The following ADAMTSL1 variants were observed in gnomAD, a reference collection of about 807,000 sequenced individuals.
ADAMTSL1 encodes ADAMTS like 1.
In ADAMTSL1, 126 loss-of-function variants were observed where a neutral mutation model predicts 201.8. That is an observed-to-expected ratio of 0.62 (90% CI 0.54 to 0.72). The LOEUF is 0.72. ADAMTSL1 is among the 30% of genes least tolerant of loss of function. ADAMTSL1 has a pLI of 0.00. For missense variants in ADAMTSL1, 2,679 were observed against 2,277.8 expected (o/e 1.18, Z -3.59); for synonymous variants, 1,121 against 903.4 (o/e 1.24, Z -4.32).
chr9:18,579,464 G>A (rs552123656), intron 4 of ADAMTSL1, among the ~76,000 whole-genome samples: 1 of 150,962 alleles, frequency 6.6e-6, no homozygotes, highest in Non-Finnish European at 1.5e-5. Flanking sequence ...CCTGCACAAT[G>A]TGCACATGTA....
intron 4 of ADAMTSL1, among the ~76,000 whole-genome samples, chr9:18,583,813 C>T (rs1212190938): frequency 6.6e-6 from 1 of 152,128 alleles, no homozygotes; most frequent in Non-Finnish European, 1.5e-5. Context: ...ATTTGACTCC[C>T]CTGGTGGATT....
chr9:18,599,637 C>A (rs1013306474), intron 4 of ADAMTSL1, among the ~76,000 whole-genome samples: 16 of 152,004 alleles, frequency 1.1e-4, no homozygotes, highest in African/African-American at 3.9e-4. Context: ...TTTTAGTTTT[C>A]TCCCTGAGTT....
At chr9:18,134,777 C>A (rs1826090741) in intron 1 of ADAMTSL1, among the ~76,000 whole-genome samples, 2 of 152,258 alleles carry the variant, frequency 1.3e-5, no homozygotes, top group South Asian at 2.1e-4. Flanking sequence ...ATATTTTGAT[C>A]TTTAAAGTAG....
At chr9:18,614,935 C>T (rs1459406680) in intron 4 of ADAMTSL1, among the ~76,000 whole-genome samples, 2 of 151,866 alleles carry the variant, frequency 1.3e-5, no homozygotes, top group African/African-American at 2.4e-5. Context: ...TCCATCTACT[C>T]AAAACACTGC....
At chr9:17,975,001 CT>C (rs532581416) in intron 1 of ADAMTSL1, among the ~76,000 whole-genome samples, 1 of 151,824 alleles carries the variant, frequency 6.6e-6, no homozygotes, top group Non-Finnish European at 1.5e-5. Flanking sequence ...CAAAGTTTCC[CT>C]TTTTTTTCAC....
intron 16 of ADAMTSL1, among the ~76,000 whole-genome samples, chr9:18,761,572 C>T (rs1820072594): frequency 1.3e-5 from 2 of 152,036 alleles, no homozygotes; most frequent in Admixed American, 1.3e-4. Flanking sequence ...TAAATGATGA[C>T]TCATAAAGGC....
intron 26 of ADAMTSL1, among the ~76,000 whole-genome samples, chr9:18,904,351 C>A (rs73425251): frequency 0.16 from 23,995 of 151,758 alleles, 3,800 homozygotes; most frequent in African/African-American, 0.41. Flanking sequence ...TGCCTGTAGT[C>A]CCAGCTACTT....
intron 23 of ADAMTSL1, among the ~76,000 whole-genome samples, chr9:18,887,173 C>T (rs1260815070): frequency 6.6e-6 from 1 of 152,204 alleles, no homozygotes; most frequent in Non-Finnish European, 1.5e-5. Context: ...GTTTATCTTA[C>T]CGATTCTATG....
chr9:18,248,311 G>A (rs2132478631), intron 2 of ADAMTSL1, among the ~76,000 whole-genome samples: 1 of 152,232 alleles, frequency 6.6e-6, no homozygotes, highest in African/African-American at 2.4e-5. Flanking sequence ...ATCAGACAGG[G>A]TCAAAGATGC....
intron 1 of ADAMTSL1, among the ~76,000 whole-genome samples, chr9:18,067,956 G>GACTTA: frequency 6.6e-6 from 1 of 151,896 alleles, no homozygotes. Flanking sequence ...ATTTAGAGTA[G>GACTTA]GTAAGAAAAG....
intron 2 of ADAMTSL1, among the ~76,000 whole-genome samples, chr9:18,233,316 C>G (rs561806322): frequency 1.3e-5 from 2 of 152,232 alleles, no homozygotes; most frequent in South Asian, 2.1e-4. Context: ...AAAAAATAAC[C>G]TGTAACTTCA....
intron 1 of ADAMTSL1, among the ~76,000 whole-genome samples, chr9:18,099,561 T>G (rs1264928777): frequency 6.6e-6 from 1 of 150,858 alleles, no homozygotes; most frequent in Non-Finnish European, 1.5e-5. Flanking sequence ...TGTCGAAATT[T>G]TTTTTACCTG....
At chr9:18,817,070 C>A in intron 20 of ADAMTSL1, 39 bp from the exon 21 acceptor site, 3 of 1,601,460 alleles carry the variant, frequency 1.9e-6, no homozygotes, top group South Asian at 1.1e-5. Flanking sequence ...TTTCCACAGT[C>A]ACCACCAAGT....
intron 2 of ADAMTSL1, among the ~76,000 whole-genome samples, chr9:18,338,010 G>T (rs1459916304): frequency 2.0e-5 from 3 of 152,042 alleles, no homozygotes; most frequent in African/African-American, 7.3e-5. Flanking sequence ...AGGGGTACAG[G>T]GAGAAAGATT....
rs1219717172 is a variant in ADAMTSL1 at position 18,802,414 on chromosome 9, A to ACTTTAAAT, written c.3805+6893_3805+6900dup. Among the ~76,000 whole-genome samples the ACTTTAAAT allele has an allele frequency of 3.9e-5, 6 of 152,158 alleles. No individual in the cohort carries two copies. The East Asian group carries it at 1.2e-3, about 29-fold the overall frequency. ...TTCAGCTCTATGCAACCACTAATAT[A>ACTTTAAAT]CTTTAAATCTCCATAAATCTACCTA... On this transcript the variant is annotated intron_variant, in intron 20 of 28. Coordinates refer to ENST00000380548, the MANE Select transcript of ADAMTSL1 (RefSeq NM_001040272.6).
At chr9:18,883,290 T>C (rs1436051025) in intron 23 of ADAMTSL1, among the ~76,000 whole-genome samples, 1 of 152,174 alleles carries the variant, frequency 6.6e-6, no homozygotes, top group Non-Finnish European at 1.5e-5. Flanking sequence ...TCTCTCATCT[T>C]CCTCTTGGGA....
At chr9:18,563,710 A>T (rs898087592) in intron 3 of ADAMTSL1, among the ~76,000 whole-genome samples, 3 of 152,208 alleles carry the variant, frequency 2.0e-5, no homozygotes, top group Admixed American at 6.5e-5. Context: ...GATGCCCTGC[A>T]CAGAGAGGAG....
intron 2 of ADAMTSL1, among the ~76,000 whole-genome samples, chr9:18,319,344 T>C (rs972473110): frequency 6.6e-6 from 1 of 152,222 alleles, no homozygotes; most frequent in Non-Finnish European, 1.5e-5. Context: ...TTCCATTTAT[T>C]TTATGTGGCC....
chr9:18,407,810 G>A (rs889434376), intron 2 of ADAMTSL1, among the ~76,000 whole-genome samples: 2 of 152,184 alleles, frequency 1.3e-5, no homozygotes, highest in African/African-American at 4.8e-5. Context: ...AGAAAGCTGA[G>A]ATATTGTCAG....
Sources: allele counts gnomAD v4.1 joint callset (sites outside exome capture counted in the v4.1 genomes callset), GRCh38; gene constraint gnomAD v4.1.1; transcripts MANE v1.5; gene names NCBI Gene and HGNC (gene_info 2026-07-23, HGNC 2026-07-21).